The following PRKAA2 variants were observed in gnomAD, a reference collection of about 807,000 sequenced individuals.
The protein encoded by PRKAA2 is 5'-AMP-activated protein kinase catalytic subunit alpha-2.
A neutral mutation model predicts 56.3 loss-of-function variants in PRKAA2; 40 were observed. The observed-to-expected ratio is 0.71, with a 90% CI of 0.55 to 0.92. PRKAA2 has a LOEUF of 0.92. Ranked by LOEUF, PRKAA2 falls within the 40% of genes least tolerant of loss-of-function variation. The probability of loss-of-function intolerance (pLI) is 0.00; values close to 1 mark genes in which losing one functional copy is unlikely to be tolerated. For missense variants in PRKAA2, 542 were observed against 686.9 expected (o/e 0.79, Z 2.36); for synonymous variants, 214 against 234.2 (o/e 0.91, Z 0.79).
intron 1 of PRKAA2, among the ~76,000 whole-genome samples, chr1:56,670,925 G>A (rs936029238): frequency 6.6e-6 from 1 of 151,952 alleles, no homozygotes; most frequent in African/African-American, 2.4e-5. Context: ...ATTTATTGCG[G>A]TCTCCCCACC....
intron 6 of PRKAA2, among the ~76,000 whole-genome samples, chr1:56,702,939 T>C (rs960995386): frequency 2.6e-5 from 4 of 152,250 alleles, no homozygotes; most frequent in Admixed American, 2.6e-4. Context: ...TTTTTGTCCA[T>C]AGTATGTCCT....
chr1:56,697,588 A>G (rs922269295), intron 6 of PRKAA2, among the ~76,000 whole-genome samples: 1 of 152,176 alleles, frequency 6.6e-6, no homozygotes, highest in African/African-American at 2.4e-5. Flanking sequence ...TCTTTAGCAT[A>G]TATACTTCTG....
intron 1 of PRKAA2, among the ~76,000 whole-genome samples, chr1:56,647,366 G>C (rs1557539193): frequency 6.6e-6 from 1 of 152,158 alleles, no homozygotes; most frequent in Non-Finnish European, 1.5e-5. Context: ...CTTTCATATT[G>C]TGTTAAAAGT....
rs766517857 is a variant in PRKAA2, at chr1:56,696,087, GT to G, written c.718del (p.Ser240LeufsTer6). ...GVFYIPEYLN[R>X]SVATLLMHML... ...TTTTATATCCCAGAATATCTCAATC[GT>G]TCTGTCGCCACTCTCCTGATGCATA... On this transcript the variant is annotated frameshift_variant, in exon 6 of 9. Coordinates refer to ENST00000371244, the MANE Select transcript of PRKAA2 (RefSeq NM_006252.4). LOFTEE classifies it high-confidence loss of function. 1 of 1,613,324 alleles carries G rather than the reference GT, an allele frequency of 6.2e-7. No individual in the cohort carries two copies. The highest frequency in any genetic ancestry group is 1.1e-5 in the South Asian group (1 of 91,000).
At chr1:56,647,401 A>G (rs768259169) in intron 1 of PRKAA2, among the ~76,000 whole-genome samples, 1 of 152,226 alleles carries the variant, frequency 6.6e-6, no homozygotes, top group African/African-American at 2.4e-5. Flanking sequence ...TTAAGTTCAT[A>G]TACTGTAATC....
At chr1:56,673,512 T>C (rs1011063616) in intron 1 of PRKAA2, among the ~76,000 whole-genome samples, 3 of 152,106 alleles carry the variant, frequency 2.0e-5, no homozygotes, top group African/African-American at 7.2e-5. Context: ...TAGAATAGAA[T>C]TGAGGAAAAT....
chr1:56,701,746 T>C (rs1245673760), intron 6 of PRKAA2, among the ~76,000 whole-genome samples: 1 of 151,910 alleles, frequency 6.6e-6, no homozygotes, highest in Non-Finnish European at 1.5e-5. Flanking sequence ...AACAAAAAAT[T>C]AGCTGGGCAT....
intron 5 of PRKAA2, among the ~76,000 whole-genome samples, chr1:56,695,204 T>TA (rs559299252): frequency 1.4e-5 from 2 of 139,724 alleles, no homozygotes; most frequent in East Asian, 2.5e-4. Flanking sequence ...ATATATATAT[T>TA]TTTTGTTTTG....
chr1:56,658,731 C>T (rs1347084939), intron 1 of PRKAA2, among the ~76,000 whole-genome samples: 1 of 151,624 alleles, frequency 6.6e-6, no homozygotes, highest in African/African-American at 2.4e-5. Flanking sequence ...CCGTGATCCT[C>T]CTGCCTTCTT....
At chr1:56,651,928 G>A (rs527874817) in intron 1 of PRKAA2, among the ~76,000 whole-genome samples, 15 of 150,572 alleles carry the variant, frequency 1.0e-4, no homozygotes, top group African/African-American at 3.4e-4. Context: ...TGCAAGCTCC[G>A]CCTCCTGGGT....
At chr1:56,682,326 G>A (rs1644160900) in intron 2 of PRKAA2, among the ~76,000 whole-genome samples, 1 of 152,128 alleles carries the variant, frequency 6.6e-6, no homozygotes, top group African/African-American at 2.4e-5. Context: ...GAAAGAAGAA[G>A]GGCTAATTTA....
chr1:56,648,777 G>A (rs1569697026), intron 1 of PRKAA2, among the ~76,000 whole-genome samples: 1 of 152,088 alleles, frequency 6.6e-6, no homozygotes, highest in Admixed American at 6.5e-5. Context: ...ATCTCATTGA[G>A]GCATTAATTT....
intron 1 of PRKAA2, among the ~76,000 whole-genome samples, chr1:56,649,999 G>T (rs1646674043): frequency 6.6e-6 from 1 of 152,122 alleles, no homozygotes; most frequent in African/African-American, 2.4e-5. Flanking sequence ...GGAAGCTGAG[G>T]CAGGAGAATC....
chr1:56,668,195 A>G (rs1193940543), intron 1 of PRKAA2, among the ~76,000 whole-genome samples: 1 of 148,554 alleles, frequency 6.7e-6, no homozygotes, highest in Non-Finnish European at 1.5e-5. Context: ...GAGTACACTC[A>G]TAGGTGGGAA....
intron 5 of PRKAA2, 127 bp from the exon 6 acceptor site, chr1:56,695,808 A>G: frequency 1.2e-6 from 1 of 820,086 alleles, no homozygotes; most frequent in Non-Finnish European, 2.0e-6. Flanking sequence ...GGGAGCAGCC[A>G]TGGACTTCAT....
intron 2 of PRKAA2, among the ~76,000 whole-genome samples, chr1:56,685,883 A>G (rs920440119): frequency 4.6e-5 from 7 of 152,242 alleles, no homozygotes; most frequent in African/African-American, 1.2e-4. Context: ...GTTTGTATCA[A>G]TAAATCTTCT....
intron 1 of PRKAA2, among the ~76,000 whole-genome samples, chr1:56,661,900 T>G (rs1447475940): frequency 0.023 from 1 of 44 alleles, no homozygotes; most frequent in Non-Finnish European, 0.033. Context: ...ACCACAGGTG[T>G]TTTTTTTTCA....
chr1:56,648,540 T>C lies in PRKAA2; in HGVS notation c.94+3059T>C, dbSNP rs571593652. On this transcript the variant is annotated intron_variant, in intron 1 of 8. Transcript: ENST00000371244. ...TCACATGTAAGTCTTTGTGTGGACA[T>C]ATGTTTTCATACACCTTGGGTAAAT... 2.0e-5 allele frequency among the ~76,000 whole-genome samples: 3 copies of C among 152,336 alleles called. No homozygotes were observed. The South Asian group carries it at 6.2e-4, about 32-fold the overall frequency.
In PRKAA2 at chr1:56,645,322, G is replaced by A. The variant is rs1426715892; in HGVS notation, c.-66G>A. Reference sequence around the variant, plus strand: ...CGCCCGCAGGGCCCGCTGCACTGTGGGTAGGCGGCGGCGGCGGCGGCTACG... The same window carrying A: ...CGCCCGCAGGGCCCGCTGCACTGTGAGTAGGCGGCGGCGGCGGCGGCTACG... On this transcript the variant is annotated 5_prime_UTR_variant, in exon 1 of 9. Transcript: ENST00000371244. 5 of 1,354,674 alleles carry A rather than the reference G, an allele frequency of 3.7e-6. No individual in the cohort carries two copies. Among genetic ancestry groups the A allele is most frequent in the Non-Finnish European group, 4.9e-6 (5 of 1,028,726 alleles). 83.9% of individuals were successfully genotyped at this position (1,354,674 alleles called of 1,614,324 possible). A position where few individuals can be genotyped will look rare whatever the true frequency, so the allele number is the denominator to read the frequency against.
Sources: gnomAD v4.1 joint callset for allele counts (sites outside exome capture counted in the v4.1 genomes callset) on GRCh38, gnomAD v4.1.1 for gene constraint, MANE v1.5 for transcripts, NCBI Gene and HGNC (gene_info 2026-07-23, HGNC 2026-07-21) for gene names.